Variants in MBP observed in about 807,000 individuals in gnomAD.
The protein encoded by MBP is Golli-MBP.
MBP carries 16 observed loss-of-function variants against 35.8 expected under a neutral mutation model. The observed-to-expected ratio is 0.45, with a 90% CI of 0.30 to 0.68. The LOEUF (loss-of-function observed/expected upper bound fraction) is 0.68. MBP is among the 30% of genes least tolerant of loss of function. The pLI is 0.08. For missense variants in MBP, 380 were observed against 404.7 expected (o/e 0.94, Z 0.52); for synonymous variants, 143 against 159.6 (o/e 0.90, Z 0.78).
chr18:77,125,516 C>A (rs1396680750), intron 1 of MBP, among the ~76,000 whole-genome samples: 1 of 152,096 alleles, frequency 6.6e-6, no homozygotes, highest in Non-Finnish European at 1.5e-5. Flanking sequence ...TTCTATATGT[C>A]ATATAATCCC....
intron 3 of MBP, among the ~76,000 whole-genome samples, chr18:77,038,582 T>G (rs1317434729): frequency 6.6e-6 from 1 of 152,196 alleles, no homozygotes; most frequent in East Asian, 1.9e-4. Context: ...GTGACTATGT[T>G]TGTCCCTGTC....
At chr18:77,128,860 G>T (rs757016501) in intron 1 of MBP, among the ~76,000 whole-genome samples, 1 of 152,160 alleles carries the variant, frequency 6.6e-6, no homozygotes, top group Non-Finnish European at 1.5e-5. Flanking sequence ...ACTTTTTCTA[G>T]ATTATTCTCT....
At position 77,044,544 on chromosome 18, in the gene MBP, G is replaced by A. The variant is rs934842345; in HGVS notation, c.139+21754C>T. ...CTGGAAAGCCCTCTCCAGGGCCCTC[G>A]GCCTCGCTGTCTCACATCACTCGCC... On this transcript the variant is annotated intron_variant, in intron 3 of 8. Coordinates refer to ENST00000355994, the MANE Select transcript of MBP (RefSeq NM_001025101.2). The surrounding 1 kb of genome is among the most constrained non-coding windows in gnomAD (Gnocchi z 4.4). Among the ~76,000 whole-genome samples the A allele has an allele frequency of 3.3e-5, 5 of 151,940 alleles. No homozygotes were observed. Among genetic ancestry groups the A allele is most frequent in the Admixed American group, 1.3e-4 (2 of 15,256 alleles).
At chr18:76,993,536 C>G (rs1473594876) in intron 4 of MBP, among the ~76,000 whole-genome samples, 1 of 138,164 alleles carries the variant, frequency 7.2e-6, no homozygotes, top group Non-Finnish European at 1.5e-5. Context: ...GGCGACAGAG[C>G]GAGACTTTGT....
At chr18:77,072,410 A>G (rs77349210) in intron 2 of MBP, among the ~76,000 whole-genome samples, 16,124 of 152,264 alleles carry the variant, frequency 0.11, 899 homozygotes, top group South Asian at 0.14. Flanking sequence ...TGTACGTCGT[A>G]TCAAAATCAT....
At position 77,059,237 on chromosome 18, in the gene MBP, G is replaced by T. The variant is rs184245633; in HGVS notation, c.139+7061C>A. On this transcript the variant is annotated intron_variant, in intron 3 of 8. Transcript: ENST00000355994. ...GAATGATATTACTGTTCAATCATAT[G>T]GAATATTAAGGAGCTATTTTAAAAG... Among the ~76,000 whole-genome samples, 18 of 152,224 alleles carry T rather than the reference G, an allele frequency of 1.2e-4. No homozygotes were observed. The East Asian group carries it at 3.5e-3, about 29-fold the overall frequency.
chr18:76,994,873 A>G (rs1970186793), intron 4 of MBP, among the ~76,000 whole-genome samples: 1 of 152,244 alleles, frequency 6.6e-6, no homozygotes, highest in Admixed American at 6.5e-5. Flanking sequence ...TCATAGGATC[A>G]TACACATTTT....
At chr18:77,056,597 C>A (rs936389313) in intron 3 of MBP, among the ~76,000 whole-genome samples, 3 of 152,160 alleles carry the variant, frequency 2.0e-5, no homozygotes, top group Non-Finnish European at 4.4e-5. Flanking sequence ...GGCCTCCATC[C>A]GATGTCCTCC....
chr18:77,044,551 C>T lies in MBP; in HGVS notation c.139+21747G>A, dbSNP rs1973150728. Among the ~76,000 whole-genome samples the T allele has an allele frequency of 6.6e-6, 1 of 152,230 alleles. No homozygotes were observed. Among genetic ancestry groups the T allele is most frequent in the Admixed American group, 6.5e-5 (1 of 15,306 alleles). On this transcript the variant is annotated intron_variant, in intron 3 of 8. Coordinates refer to ENST00000355994, the MANE Select transcript of MBP (RefSeq NM_001025101.2). The surrounding 1 kb of genome is among the most constrained non-coding windows in gnomAD (Gnocchi z 4.4). ...GCCCTCTCCAGGGCCCTCGGCCTCGCTGTCTCACATCACTCGCCTCCCTAC... is the reference window on the plus strand; with the variant it reads ...GCCCTCTCCAGGGCCCTCGGCCTCGTTGTCTCACATCACTCGCCTCCCTAC...
intron 2 of MBP, among the ~76,000 whole-genome samples, chr18:77,081,829 C>T (rs538922962): frequency 7.7e-5 from 4 of 51,898 alleles, no homozygotes; most frequent in Non-Finnish European, 1.9e-4. Flanking sequence ...TACACACACA[C>T]ACACACACAC....
intron 3 of MBP, among the ~76,000 whole-genome samples, chr18:77,043,366 C>T (rs527853577): frequency 7.9e-5 from 12 of 152,154 alleles, no homozygotes; most frequent in Non-Finnish European, 1.6e-4. Context: ...AATTGAAATA[C>T]GATTGTCTCT....
At position 76,988,407 on chromosome 18, in the gene MBP, C is replaced by T. The variant is rs1272612150; in HGVS notation, c.750+88G>A. 5 of 1,614,078 alleles carry T rather than the reference C, an allele frequency of 3.1e-6. No individual in the cohort carries two copies. The highest frequency in any genetic ancestry group is 4.2e-6 in the Non-Finnish European group (5 of 1,179,942). ...GAGGAGAGAAAAGGAGGCCAGGAAGCAACCGAAACAGAGCAGAACACAAAA... is the reference window on the plus strand; with the variant it reads ...GAGGAGAGAAAAGGAGGCCAGGAAGTAACCGAAACAGAGCAGAACACAAAA... On this transcript the variant is annotated intron_variant, in intron 7 of 8. Transcript: ENST00000355994. This position sits in a 1 kb window ranked among gnomAD's most constrained non-coding sequence, Gnocchi z 5.2.
intron 1 of MBP, among the ~76,000 whole-genome samples, chr18:77,120,434 G>T (rs1279059908): frequency 6.6e-6 from 1 of 152,214 alleles, no homozygotes; most frequent in Non-Finnish European, 1.5e-5. Flanking sequence ...AGACCTCAGC[G>T]TGGGGTGTTT....
At chr18:77,077,595 T>C (rs1974716652) in intron 2 of MBP, among the ~76,000 whole-genome samples, 1 of 152,108 alleles carries the variant, frequency 6.6e-6, no homozygotes, top group Non-Finnish European at 1.5e-5. Context: ...TTGCTTGGAC[T>C]GGGTTTTGCT....
At chr18:77,013,648 G>C in intron 4 of MBP, 1 of 985,404 alleles carries the variant, frequency 1.0e-6, no homozygotes, top group African/African-American at 1.7e-5. Context: ...ACACTGAGAA[G>C]AGCAGGTTAT....
intron 3 of MBP, among the ~76,000 whole-genome samples, chr18:77,025,353 C>G (rs1407792959): frequency 6.6e-6 from 1 of 152,208 alleles, no homozygotes; most frequent in Non-Finnish European, 1.5e-5. Context: ...GCTTTCTGAT[C>G]TGTCGGGAGC....
intron 3 of MBP, among the ~76,000 whole-genome samples, chr18:77,050,065 A>T (rs1973425002): frequency 6.6e-6 from 1 of 152,238 alleles, no homozygotes; most frequent in South Asian, 2.1e-4. Flanking sequence ...CTTAGTGTAG[A>T]GTTTGTCATT....
intron 4 of MBP, among the ~76,000 whole-genome samples, chr18:77,008,229 A>T (rs1171955772): frequency 6.6e-6 from 1 of 152,120 alleles, no homozygotes; most frequent in East Asian, 1.9e-4. Flanking sequence ...TCTCGCCAGC[A>T]CTGCTCTCCA....
intron 1 of MBP, chr18:77,114,153 C>T (rs1976570927): frequency 6.6e-6 from 1 of 152,236 alleles, no homozygotes; most frequent in Non-Finnish European, 1.5e-5. Flanking sequence ...CATCACCATC[C>T]TTCGTTTTCT....
Sources: allele counts gnomAD v4.1 joint callset (sites outside exome capture counted in the v4.1 genomes callset), GRCh38; gene constraint gnomAD v4.1.1; non-coding constraint Gnocchi (gnomAD v3.1); transcripts MANE v1.5; gene names NCBI Gene and HGNC (gene_info 2026-07-23, HGNC 2026-07-21).